SCN10A: variants seen among roughly 807,000 people sequenced by gnomAD.
The protein encoded by SCN10A is sodium channel protein type 10 subunit alpha.
SCN10A carries 162 observed loss-of-function variants against 170.7 expected under a neutral mutation model. The ratio of observed to expected loss-of-function variants is 0.95; its 90% CI spans 0.84 to 1.08. SCN10A has a LOEUF of 1.08. Among genes scored for constraint, SCN10A ranks in the 50% least tolerant of loss-of-function variants. SCN10A has a pLI of 0.00. For missense variants in SCN10A, 2,527 were observed against 2,436.9 expected, an observed-to-expected ratio of 1.04 and a Z score of -0.78; for synonymous variants, 985 against 904.6, an observed-to-expected ratio of 1.09 and a Z score of -1.59.
chr3:38,798,141 T>C (rs1016376731), intron 1 of SCN10A, among the ~76,000 whole-genome samples: 21 of 152,174 alleles, frequency 1.4e-4, no homozygotes, highest in African/African-American at 5.1e-4. Context: ...AGGAATGTCA[T>C]AGAAGAGAGG....
chr3:38,804,290 T>A (rs1007912959), intron 1 of SCN10A, among the ~76,000 whole-genome samples: 1 of 152,116 alleles, frequency 6.6e-6, no homozygotes, highest in Admixed American at 6.6e-5. Context: ...CTCATTCAAC[T>A]ATTACCTTGC....
chr3:38,792,280 C>T (rs2064292644), intron 2 of SCN10A, 112 bp from the exon 3 acceptor site: 4 of 1,357,390 alleles, frequency 2.9e-6, no homozygotes, highest in Non-Finnish European at 3.0e-6. Flanking sequence ...AAGAAGGGCT[C>T]TGGGAACTAC....
At chr3:38,813,718 A>G (rs1297766494) in intron 1 of SCN10A, among the ~76,000 whole-genome samples, 1 of 152,238 alleles carries the variant, frequency 6.6e-6, no homozygotes, top group Non-Finnish European at 1.5e-5. Context: ...AGCACAATAT[A>G]TAAATACCAA....
chr3:38,717,382 T>C (rs2063344143), intron 21 of SCN10A, among the ~76,000 whole-genome samples: 2 of 152,198 alleles, frequency 1.3e-5, no homozygotes, highest in Admixed American at 1.3e-4. Flanking sequence ...TTTAAGGTGA[T>C]TAGGACTGAG....
intron 5 of SCN10A, 88 bp from the exon 6 acceptor site, chr3:38,763,684 T>A: frequency 1.1e-6 from 1 of 950,348 alleles, no homozygotes; most frequent in Non-Finnish European, 1.7e-6. Context: ...GGGGTATCAT[T>A]AGCCTAGAAA....
chr3:38,731,660 C>A (rs1048214339), intron 15 of SCN10A, among the ~76,000 whole-genome samples: 2 of 152,204 alleles, frequency 1.3e-5, no homozygotes. Context: ...GGATGGCCGA[C>A]TGGAGTTTGT....
intron 11 of SCN10A, among the ~76,000 whole-genome samples, chr3:38,755,283 G>A (rs1359300003): frequency 2.6e-5 from 4 of 151,518 alleles, no homozygotes; most frequent in African/African-American, 9.7e-5. Flanking sequence ...CCACCTCGAC[G>A]CATCAGAAAA....
chr3:38,697,503 G>T lies in SCN10A; in HGVS notation c.5717C>A (p.Pro1906Gln). The change falls in exon 28 of 28, where the codon CCA (proline) becomes CAA (glutamine). Residue 1906 changes from proline to glutamine, a missense_variant. By Grantham distance (76) the Pro-to-Gln change is moderately conservative. Coordinates refer to ENST00000449082, the MANE Select transcript of SCN10A (RefSeq NM_006514.4). The part of the protein sequence containing the change: ...AFTANENCVL[P>Q]DKSETASATS... The stretch of plus-strand genomic sequence containing the variant: ...GGCAGAAGCAGTTTCAGATTTGTCT[G>T]GGAGTACACAATTTTCATTTGCTGT... The T allele has an allele frequency of 6.2e-7, 1 of 1,614,156 alleles. No individual in the cohort carries two copies.
chr3:38,734,496 G>A (rs1417705701), intron 15 of SCN10A, among the ~76,000 whole-genome samples: 4 of 152,152 alleles, frequency 2.6e-5, no homozygotes, highest in African/African-American at 9.7e-5. Flanking sequence ...AATGCATCAC[G>A]ATCAAGCTAG....
chr3:38,744,652 A>G (rs1203355433), intron 13 of SCN10A, among the ~76,000 whole-genome samples: 1 of 151,878 alleles, frequency 6.6e-6, no homozygotes, highest in Non-Finnish European at 1.5e-5. Flanking sequence ...TTGTAGTTTC[A>G]CTTTTTTCAC....
chr3:38,727,774 C>A (rs1362861158), intron 16 of SCN10A, among the ~76,000 whole-genome samples: 1 of 152,188 alleles, frequency 6.6e-6, no homozygotes, highest in African/African-American at 2.4e-5. Context: ...TCCTCCCACA[C>A]AACCAGTCAG....
At chr3:38,758,962 A>G (rs1403452407) in intron 8 of SCN10A, among the ~76,000 whole-genome samples, 1 of 152,254 alleles carries the variant, frequency 6.6e-6, no homozygotes, top group Non-Finnish European at 1.5e-5. Flanking sequence ...AGTCAAAGGC[A>G]AATGAAAACT....
At chr3:38,720,246 G>A (rs1227208477) in intron 20 of SCN10A, among the ~76,000 whole-genome samples, 1 of 152,214 alleles carries the variant, frequency 6.6e-6, no homozygotes, top group Non-Finnish European at 1.5e-5. Context: ...AGTAAACATA[G>A]AGATTGGTTG....
At chr3:38,802,881 A>C (rs1338559743) in intron 1 of SCN10A, among the ~76,000 whole-genome samples, 2 of 152,194 alleles carry the variant, frequency 1.3e-5, no homozygotes, top group Non-Finnish European at 2.9e-5. Flanking sequence ...AATGGGAGAA[A>C]ATTTTTGCAA....
intron 4 of SCN10A, among the ~76,000 whole-genome samples, chr3:38,785,019 G>A (rs2064181002): frequency 6.6e-6 from 1 of 152,158 alleles, no homozygotes; most frequent in South Asian, 2.1e-4. Flanking sequence ...CATGCTCATG[G>A]ATAGGAAAAA....
chr3:38,714,151 A>G (rs1212685818), intron 21 of SCN10A, 71 bp from the exon 22 acceptor site: 1 of 1,582,412 alleles, frequency 6.3e-7, no homozygotes, highest in African/African-American at 1.3e-5. Flanking sequence ...AGGAGACAGG[A>G]ACTCCCTGCC....
chr3:38,772,717 ACAACAACAAAAAC>A (rs2064019986), intron 4 of SCN10A, among the ~76,000 whole-genome samples: 2 of 81,622 alleles, frequency 2.5e-5, no homozygotes, highest in African/African-American at 9.2e-5. Context: ...AGCAACAACA[ACAACAACAAAAAC>A]AAAAACAAAA....
chr3:38,735,775 T>C (rs58684946), intron 15 of SCN10A, among the ~76,000 whole-genome samples: 13,719 of 152,314 alleles, frequency 0.09, 1,086 homozygotes, highest in African/African-American at 0.2. Flanking sequence ...AATGCTATTT[T>C]GGGAGAGAAG....
intron 13 of SCN10A, among the ~76,000 whole-genome samples, chr3:38,748,630 T>C (rs531378148): frequency 6.6e-6 from 1 of 152,240 alleles, no homozygotes; most frequent in South Asian, 2.1e-4. Flanking sequence ...GGCTCTTCTC[T>C]CTCTAGTTTC....
Sources: allele counts gnomAD v4.1 joint callset (sites outside exome capture counted in the v4.1 genomes callset), GRCh38; gene constraint gnomAD v4.1.1; transcripts MANE v1.5; gene names NCBI Gene and HGNC (gene_info 2026-07-23, HGNC 2026-07-21).